Variants in SDK1 observed in about 807,000 individuals in gnomAD.
The protein encoded by SDK1 is protein sidekick-1.
SDK1 carries 157 observed loss-of-function variants against 245.5 expected under a neutral mutation model. That is an observed-to-expected ratio of 0.64 (90% CI 0.56 to 0.73). The LOEUF is 0.73. Among genes scored for constraint, SDK1 ranks in the 30% least tolerant of loss-of-function variants. The probability of loss-of-function intolerance (pLI) is 0.00; values close to 1 mark genes in which losing one functional copy is unlikely to be tolerated. For synonymous variants in SDK1, 1,647 were observed against 1,278.5 expected (o/e 1.29, Z -6.15); for missense variants, 3,583 against 3,002.3 (o/e 1.19, Z -4.52).
At chr7:4,146,718 C>A (rs1039913100) in intron 29 of SDK1, among the ~76,000 whole-genome samples, 2 of 152,230 alleles carry the variant, frequency 1.3e-5, no homozygotes, top group African/African-American at 4.8e-5. Flanking sequence ...AAATAACTGC[C>A]TTCCCAATGA....
chr7:3,465,620 C>T (rs1463520689), intron 1 of SDK1, among the ~76,000 whole-genome samples: 4 of 152,094 alleles, frequency 2.6e-5, no homozygotes, highest in Non-Finnish European at 5.9e-5. Context: ...TGTGAACACA[C>T]GCATCCTGAT....
At chr7:3,483,582 C>T (rs1004636413) in intron 1 of SDK1, among the ~76,000 whole-genome samples, 6 of 152,116 alleles carry the variant, frequency 3.9e-5, no homozygotes, top group African/African-American at 1.4e-4. Context: ...CACTACAATG[C>T]GGGATTTTAA....
chr7:3,482,558 G>A (rs1781551602), intron 1 of SDK1, among the ~76,000 whole-genome samples: 1 of 152,176 alleles, frequency 6.6e-6, no homozygotes, highest in Non-Finnish European at 1.5e-5. Flanking sequence ...TAACTCACTG[G>A]AGTAGCAAGG....
At chr7:3,378,064 C>G (rs372823514) in intron 1 of SDK1, among the ~76,000 whole-genome samples, 60 of 152,288 alleles carry the variant, frequency 3.9e-4, no homozygotes, top group African/African-American at 1.3e-3. Context: ...CAGGCATGAA[C>G]CACTGCGCCG....
intron 14 of SDK1, among the ~76,000 whole-genome samples, chr7:3,997,055 T>C (rs1287591633): frequency 1.3e-5 from 2 of 152,232 alleles, no homozygotes; most frequent in African/African-American, 2.4e-5. Context: ...TTTACAATAC[T>C]CCAGAAAGTT....
intron 1 of SDK1, among the ~76,000 whole-genome samples, chr7:3,418,010 T>G (rs1779422451): frequency 6.6e-6 from 1 of 152,056 alleles, no homozygotes; most frequent in African/African-American, 2.4e-5. Context: ...CAACTTTTCT[T>G]GAGTTTTACT....
intron 1 of SDK1, among the ~76,000 whole-genome samples, chr7:3,560,613 C>T (rs1203571408): frequency 3.9e-5 from 6 of 152,126 alleles, no homozygotes; most frequent in Non-Finnish European, 8.8e-5. Flanking sequence ...ACCCCACAGC[C>T]CAGTCTCCAC....
At chr7:3,353,873 A>G (rs957841492) in intron 1 of SDK1, among the ~76,000 whole-genome samples, 1 of 127,694 alleles carries the variant, frequency 7.8e-6, no homozygotes, top group Non-Finnish European at 1.6e-5. Flanking sequence ...TGCTTTCTGT[A>G]CGTCTTCACG....
intron 1 of SDK1, among the ~76,000 whole-genome samples, chr7:3,483,608 T>C (rs919654999): frequency 3.3e-5 from 5 of 152,202 alleles, no homozygotes; most frequent in African/African-American, 1.2e-4. Flanking sequence ...GGAACAGATA[T>C]CCTTGTTTTC....
At chr7:3,955,081 G>A (rs910295324) in intron 7 of SDK1, among the ~76,000 whole-genome samples, 3 of 152,080 alleles carry the variant, frequency 2.0e-5, no homozygotes, top group Non-Finnish European at 4.4e-5. Context: ...CATCACACAC[G>A]AAGCCAGCTG....
At position 4,178,712 on chromosome 7, in the gene SDK1, G is replaced by A. The variant is rs74496933; in HGVS notation, c.5098+126G>A. ...CTTTCTCCTTGAACACATTGCTGTCGGGGCTGAGGTCTCCACGCCACTGGC... is the reference window on the plus strand; with the variant it reads ...CTTTCTCCTTGAACACATTGCTGTCAGGGCTGAGGTCTCCACGCCACTGGC... On this transcript the variant is annotated intron_variant, in intron 35 of 44. Transcript: ENST00000404826. 1.6e-3 allele frequency: 1,036 copies of A among 667,718 alleles called. 33 individuals carry two copies. The East Asian group carries it at 0.027, about 17-fold the overall frequency. 41.4% of individuals were successfully genotyped at this position (667,718 alleles called of 1,614,324 possible).
intron 1 of SDK1, among the ~76,000 whole-genome samples, chr7:3,442,420 C>G (rs1414123127): frequency 2.0e-5 from 3 of 152,194 alleles, no homozygotes; most frequent in African/African-American, 7.2e-5. Context: ...TGGGTCATTG[C>G]AAATTAACCC....
intron 4 of SDK1, among the ~76,000 whole-genome samples, chr7:3,786,990 C>G (rs961308973): frequency 3.9e-5 from 6 of 152,082 alleles, no homozygotes; most frequent in East Asian, 3.9e-4. Flanking sequence ...TTCTCTTACT[C>G]TGACAAGCAG....
At chr7:3,973,800 C>T (rs973778142) in intron 12 of SDK1, among the ~76,000 whole-genome samples, 2 of 152,120 alleles carry the variant, frequency 1.3e-5, no homozygotes, top group African/African-American at 4.8e-5. Context: ...TGTTTGTAAC[C>T]TCAGCATGTG....
intron 5 of SDK1, among the ~76,000 whole-genome samples, chr7:3,899,503 A>C (rs965320712): frequency 6.6e-6 from 1 of 152,206 alleles, no homozygotes; most frequent in Admixed American, 6.5e-5. Context: ...GCCCTACAGC[A>C]TTGGTGGGAA....
At chr7:3,742,042 A>G in intron 4 of SDK1, among the ~76,000 whole-genome samples, 1 of 148,328 alleles carries the variant, frequency 6.7e-6, no homozygotes, top group South Asian at 2.1e-4. Flanking sequence ...TTTTAGAATT[A>G]GCGCTTAAAA....
intron 4 of SDK1, among the ~76,000 whole-genome samples, chr7:3,649,569 A>G (rs1430963477): frequency 2.0e-5 from 3 of 152,174 alleles, no homozygotes; most frequent in Admixed American, 6.5e-5. Context: ...GGTATTCTCA[A>G]TGTGATCCTT....
At chr7:4,162,283 G>A (rs1299206319) in intron 32 of SDK1, among the ~76,000 whole-genome samples, 2 of 152,102 alleles carry the variant, frequency 1.3e-5, no homozygotes, top group African/African-American at 4.8e-5. Flanking sequence ...GAAGTCATCT[G>A]CAACCAGACA....
At chr7:3,354,786 T>C (rs1780748901) in intron 1 of SDK1, among the ~76,000 whole-genome samples, 1 of 152,248 alleles carries the variant, frequency 6.6e-6, no homozygotes. Context: ...AAAATATTAT[T>C]GACTAGATTA....
Sources: gnomAD v4.1 joint callset for allele counts (sites outside exome capture counted in the v4.1 genomes callset) on GRCh38, gnomAD v4.1.1 for gene constraint, MANE v1.5 for transcripts, NCBI Gene and HGNC (gene_info 2026-07-23, HGNC 2026-07-21) for gene names.